Variants in ATP2C1 observed in about 807,000 individuals in gnomAD.
ATP2C1 encodes ATPase secretory pathway Ca2+ transporting 1, also known as calcium-transporting ATPase type 2C member 1.
ATP2C1 carries 31 observed loss-of-function variants against 120.5 expected under a neutral mutation model. That is an observed-to-expected ratio of 0.26 (90% CI 0.19 to 0.35). The LOEUF (loss-of-function observed/expected upper bound fraction) is 0.35, where lower values mean the gene tolerates loss of function less well. Among genes scored for constraint, ATP2C1 ranks in the 10% least tolerant of loss-of-function variants. The probability of loss-of-function intolerance (pLI) is 1.00; values close to 1 mark genes in which losing one functional copy is unlikely to be tolerated. For synonymous variants in ATP2C1, 351 were observed against 358.7 expected (o/e 0.98, Z 0.24); for missense variants, 731 against 1,107.5 (o/e 0.66, Z 4.83).
downstream of ATP2C1, among the ~76,000 whole-genome samples, chr3:131,006,200 T>C (rs150754601): frequency 4.7e-3 from 718 of 152,250 alleles, 5 homozygotes; most frequent in African/African-American, 0.016. Context: ...CAACCTTTGC[T>C]TCCTGAGTTC....
In ATP2C1 at chr3:130,980,248, C is replaced by CT. The variant is rs139503041; in HGVS notation, c.1742-319dup. Among the ~76,000 whole-genome samples, 864 of 139,814 alleles carry CT rather than the reference C, an allele frequency of 6.2e-3. 10 individuals are homozygous for CT. The highest frequency in any genetic ancestry group is 0.018 in the African/African-American group (685 of 38,146). 91.7% of individuals were successfully genotyped at this position (139,814 alleles called of 152,430 possible). A position where few individuals can be genotyped will look rare whatever the true frequency, so the allele number is the denominator to read the frequency against. On this transcript the variant is annotated intron_variant, in intron 19 of 27. Transcript: ENST00000510168. ...TATGCTAGCTTAAATAGTCAAAATTCTTTTTTTTTTTTTTTCCTGTAGAGA... is the reference window on the plus strand; with the variant it reads ...TATGCTAGCTTAAATAGTCAAAATTCTTTTTTTTTTTTTTTTCCTGTAGAGA...
chr3:130,930,532 T>C lies in ATP2C1; in HGVS notation c.117+6T>C. ...AAGTTGCAAGCATTCTCCAAGTAAGTGGTTAGTGGGGAGGAAGGGACTAGA... is the reference window on the plus strand; with the variant it reads ...AAGTTGCAAGCATTCTCCAAGTAAGCGGTTAGTGGGGAGGAAGGGACTAGA... On this transcript the variant is annotated splice_donor_region_variant and intron_variant, in intron 3 of 27. Coordinates refer to ENST00000510168, the MANE Select transcript of ATP2C1 (RefSeq NM_001378687.1). The C allele has an allele frequency of 1.9e-6, 3 of 1,569,890 alleles. No homozygotes were observed. Among genetic ancestry groups the C allele is most frequent in the Non-Finnish European group, 2.6e-6 (3 of 1,139,808 alleles).
chr3:130,884,951 A>C (rs1426454748), intron 1 of ATP2C1, among the ~76,000 whole-genome samples: 1 of 63,828 alleles, frequency 1.6e-5, no homozygotes, highest in East Asian at 3.6e-4. Flanking sequence ...TTTTTTTTTT[A>C]AGACGGAGTC....
intron 20 of ATP2C1, among the ~76,000 whole-genome samples, chr3:130,991,363 C>T (rs1384536752): frequency 1.3e-5 from 2 of 151,972 alleles, no homozygotes; most frequent in African/African-American, 2.4e-5. Flanking sequence ...AGTCATGAAT[C>T]GTGTTTCACT....
chr3:130,954,989 T>C, intron 9 of ATP2C1, 23 bp from the exon 10 acceptor site: 1 of 1,576,382 alleles, frequency 6.3e-7, no homozygotes, highest in Non-Finnish European at 8.7e-7. Flanking sequence ...GATGTAAATG[T>C]ATTTTCCTGT....
At chr3:130,906,753 A>G (rs547266974) in intron 2 of ATP2C1, among the ~76,000 whole-genome samples, 2 of 151,724 alleles carry the variant, frequency 1.3e-5, no homozygotes, top group African/African-American at 2.4e-5. Context: ...CGTTTCCCAA[A>G]TGACTAATGA....
intron 2 of ATP2C1, among the ~76,000 whole-genome samples, chr3:130,912,931 T>C (rs1329769953): frequency 6.6e-6 from 1 of 151,338 alleles, no homozygotes; most frequent in South Asian, 2.1e-4. Flanking sequence ...CCATAAAAAA[T>C]GATGAGTTCA....
At chr3:131,003,226 T>C, downstream of ATP2C1, 1 of 892,932 alleles carries the variant, frequency 1.1e-6, no homozygotes. Flanking sequence ...AAATTATCCA[T>C]ATGGATGCTG....
chr3:130,983,666 C>T (rs1051953282), intron 20 of ATP2C1, among the ~76,000 whole-genome samples: 2 of 152,312 alleles, frequency 1.3e-5, no homozygotes, highest in South Asian at 4.1e-4. Context: ...ACGTTTTCAT[C>T]CCTCCCCACT....
Position 130,894,720 on chromosome 3 carries a change from T to G in ATP2C1, c.-50T>G, listed in dbSNP as rs2069435719. On this transcript the variant is annotated 5_prime_UTR_variant, in exon 2 of 28. Coordinates refer to ENST00000510168, the MANE Select transcript of ATP2C1 (RefSeq NM_001378687.1). This position sits in a 1 kb window ranked among gnomAD's most constrained non-coding sequence, Gnocchi z 4.5. Reference sequence around the variant, plus strand: ...TCTCTATTCCCAGTGTGGCCGTGGCTGACACTAAAGACTTTGTAGCCATCA... The same window carrying G: ...TCTCTATTCCCAGTGTGGCCGTGGCGGACACTAAAGACTTTGTAGCCATCA... 6.2e-7 allele frequency: 1 copy of G among 1,614,154 alleles called. No individual in the cohort carries two copies. The highest frequency in any genetic ancestry group is 1.7e-5 in the Admixed American group (1 of 60,020).
intron 2 of ATP2C1, among the ~76,000 whole-genome samples, chr3:130,897,456 G>A (rs1426857676): frequency 2.0e-5 from 3 of 152,186 alleles, no homozygotes; most frequent in African/African-American, 7.2e-5. Flanking sequence ...AGCCGCCAGA[G>A]CAATGTTTGA....
intron 1 of ATP2C1, among the ~76,000 whole-genome samples, chr3:130,884,236 C>T (rs771161347): frequency 2.6e-5 from 4 of 152,130 alleles, no homozygotes; most frequent in Non-Finnish European, 5.9e-5. Context: ...CCACTGTGCC[C>T]GTTCTCCTTC....
At position 130,967,208 on chromosome 3, in the gene ATP2C1, T is replaced by G; in HGVS notation, c.1186T>G (p.Phe396Val). ...VIVDGDVVHG[F>V]YNPAVSRIVE... Reference sequence around the variant, plus strand: ...TGTTGATGGTGATGTTGTTCATGGATTCTATAACCCAGCTGTTAGCAGAAT... The same window carrying G: ...TGTTGATGGTGATGTTGTTCATGGAGTCTATAACCCAGCTGTTAGCAGAAT... Residue 396 changes from phenylalanine (F) to valine (V), a missense_variant, in exon 15 of 28, where the codon TTC becomes GTC. Physicochemically the swap from Phe to Val is conservative, Grantham distance 50. Transcript: ENST00000510168. 3 of 1,613,876 alleles carry G rather than the reference T, an allele frequency of 1.9e-6. No homozygotes were observed. The highest frequency in any genetic ancestry group is 2.5e-6 in the Non-Finnish European group (3 of 1,179,814).
intron 11 of ATP2C1, among the ~76,000 whole-genome samples, chr3:130,957,742 G>C (rs1488752004): frequency 6.6e-6 from 1 of 151,904 alleles, no homozygotes; most frequent in Non-Finnish European, 1.5e-5. Context: ...TAATAGGGAC[G>C]GGATTTTACC....
upstream of ATP2C1, among the ~76,000 whole-genome samples, chr3:130,893,250 T>G (rs910164529): frequency 6.6e-6 from 1 of 152,192 alleles, no homozygotes; most frequent in Non-Finnish European, 1.5e-5. Context: ...GTACAGCTGC[T>G]AAAAGAAGTG....
At chr3:130,861,890 T>C (rs934677262) in intron 1 of ATP2C1, among the ~76,000 whole-genome samples, 1 of 152,216 alleles carries the variant, frequency 6.6e-6, no homozygotes, top group African/African-American at 2.4e-5. Flanking sequence ...ACACCCTAAA[T>C]GTTTTGTTCC....
intron 19 of ATP2C1, among the ~76,000 whole-genome samples, chr3:130,980,170 G>C (rs1177879975): frequency 6.6e-6 from 1 of 151,922 alleles, no homozygotes; most frequent in East Asian, 1.9e-4. Flanking sequence ...TCTGATCTTC[G>C]TTACATTTCA....
At chr3:130,852,545 G>A (rs79951777) in intron 1 of ATP2C1, among the ~76,000 whole-genome samples, 3,627 of 152,142 alleles carry the variant, frequency 0.024, 55 homozygotes, top group Middle Eastern at 0.054. Flanking sequence ...GGAACAGCTG[G>A]GAGTGAGTAT....
chr3:131,007,844 C>A (rs1462846443), downstream of ATP2C1, among the ~76,000 whole-genome samples: 4 of 152,150 alleles, frequency 2.6e-5, no homozygotes, highest in Non-Finnish European at 4.4e-5. Flanking sequence ...GTGCATCTTA[C>A]AAATAGGTGA....
Sources: allele counts gnomAD v4.1 joint callset (sites outside exome capture counted in the v4.1 genomes callset), GRCh38; gene constraint gnomAD v4.1.1; non-coding constraint Gnocchi (gnomAD v3.1); transcripts MANE v1.5; gene names NCBI Gene and HGNC (gene_info 2026-07-23, HGNC 2026-07-21).